Variants in GRIN2A observed in about 807,000 individuals in gnomAD.
GRIN2A encodes glutamate receptor ionotropic, NMDA 2A.
Under a neutral mutation model 113.4 loss-of-function variants are expected in GRIN2A, and 22 were observed. That is an observed-to-expected ratio of 0.19 (90% CI 0.14 to 0.28). GRIN2A has a LOEUF of 0.28. Ranked by LOEUF, GRIN2A falls within the 10% of genes least tolerant of loss-of-function variation. The pLI is 1.00. For missense variants in GRIN2A, 1,502 were observed against 1,887.0 expected, an observed-to-expected ratio of 0.80 and a Z score of 3.78; for synonymous variants, 827 against 738.4, an observed-to-expected ratio of 1.12 and a Z score of -1.94.
At chr16:9,997,863 C>A (rs181914947) in intron 2 of GRIN2A, among the ~76,000 whole-genome samples, 5 of 152,314 alleles carry the variant, frequency 3.3e-5, no homozygotes, top group African/African-American at 7.2e-5. Flanking sequence ...GTAAGACATG[C>A]CTTTGTTCCT....
At chr16:9,832,086 T>TTTGA in intron 8 of GRIN2A, among the ~76,000 whole-genome samples, 1 of 135,656 alleles carries the variant, frequency 7.4e-6, no homozygotes, top group South Asian at 2.5e-4. Context: ...GCCAGGCTTA[T>TTTGA]TTTATTTATT....
intron 2 of GRIN2A, among the ~76,000 whole-genome samples, chr16:9,966,444 T>C (rs2045557936): frequency 6.6e-6 from 1 of 152,244 alleles, no homozygotes; most frequent in Non-Finnish European, 1.5e-5. Flanking sequence ...GCACAGGACA[T>C]GATCTCATCC....
chr16:10,052,565 C>T (rs897975825), intron 2 of GRIN2A, among the ~76,000 whole-genome samples: 7 of 152,150 alleles, frequency 4.6e-5, no homozygotes, highest in South Asian at 2.1e-4. Context: ...TAAGATATTC[C>T]GCCTTCAGGT....
chr16:9,965,350 A>G (rs2045533495), intron 2 of GRIN2A, among the ~76,000 whole-genome samples: 1 of 152,218 alleles, frequency 6.6e-6, no homozygotes, highest in Admixed American at 6.5e-5. Context: ...TTTGCAAAAA[A>G]TTCCAGGCAA....
chr16:9,763,349 T>C lies in GRIN2A; in HGVS notation c.4195A>G (p.Ser1399Gly), dbSNP rs1900679823. The C allele has an allele frequency of 6.2e-7, 1 of 1,614,108 alleles. No individual in the cohort carries two copies. Among genetic ancestry groups the C allele is most frequent in the Non-Finnish European group, 8.5e-7 (1 of 1,179,996 alleles). ...GACCTCAAGGACGACCGAAGATAGC[T>C]GTCATTCACCGCCTGGGATGGCAAC... is the stretch of plus-strand genomic sequence containing the variant. ...HSLPSQAVND[S>G]YLRSSLRSTA... Residue 1399 changes from serine (S) to glycine (G), a missense_variant, in exon 13 of 13, where the codon AGC becomes GGC. Physicochemically the swap from Ser to Gly is moderately conservative, Grantham distance 56. Around this residue, in one of 7 missense-constraint regions of GRIN2A, gnomAD observed 832 missense variants for 789.7 expected, o/e 1.05. Transcript: ENST00000330684.
Position 10,111,711 on chromosome 16 carries a change from T to C in GRIN2A, c.414+68287A>G, listed in dbSNP as rs1050469059. On this transcript the variant is annotated intron_variant, in intron 2 of 12. Coordinates refer to ENST00000330684, the MANE Select transcript of GRIN2A (RefSeq NM_001134407.3). ...ACGAGGTGCATAAGGTCAAGAAGTT[T>C]GAACAGGGCTTCATCACGGACCCCG... is the stretch of plus-strand genomic sequence containing the variant. The C allele has an allele frequency of 9.0e-6, 14 of 1,550,986 alleles. No homozygotes were observed. The Admixed American group carries it at 1.7e-4, about 19-fold the overall frequency.
chr16:9,863,646 C>T (rs1318689498), intron 4 of GRIN2A, among the ~76,000 whole-genome samples: 1 of 152,176 alleles, frequency 6.6e-6, no homozygotes, highest in Non-Finnish European at 1.5e-5. Flanking sequence ...TTGGGGGTTT[C>T]AACCAAGAGG....
chr16:10,021,396 G>A (rs1050233248), intron 2 of GRIN2A, among the ~76,000 whole-genome samples: 3 of 152,136 alleles, frequency 2.0e-5, no homozygotes, highest in African/African-American at 7.2e-5. Context: ...AAAGGTGAAG[G>A]GCTTGCCCAA....
intron 11 of GRIN2A, among the ~76,000 whole-genome samples, chr16:9,788,090 T>C (rs1479153417): frequency 6.6e-6 from 1 of 152,196 alleles, no homozygotes; most frequent in Admixed American, 6.5e-5. Flanking sequence ...CTCAGTTTAA[T>C]AAAACTAGCC....
chr16:9,878,018 G>T (rs2043406241), intron 4 of GRIN2A, among the ~76,000 whole-genome samples: 1 of 151,656 alleles, frequency 6.6e-6, no homozygotes, highest in African/African-American at 2.4e-5. Flanking sequence ...TGACTGAGAG[G>T]CTCTTTGAAT....
chr16:10,053,609 G>T (rs985057993), intron 2 of GRIN2A, among the ~76,000 whole-genome samples: 3 of 152,188 alleles, frequency 2.0e-5, no homozygotes, highest in African/African-American at 4.8e-5. Context: ...GTTGCACTAA[G>T]GTGGATTGCC....
At position 9,763,455 on chromosome 16, in the gene GRIN2A, G is replaced by A. The variant is rs774385825; in HGVS notation, c.4089C>T (p.Ser1363=). 2.5e-6 allele frequency: 4 copies of A among 1,613,976 alleles called. No individual in the cohort carries two copies. The highest frequency in any genetic ancestry group is 3.4e-6 in the Non-Finnish European group (4 of 1,179,888). The change falls in exon 13 of 13, where the codon TCC becomes TCT. Residue 1363 remains serine, a synonymous_variant. Transcript: ENST00000330684. ...RSKSLLPDHT[S]DNPFLHSHRD... is the part of the protein sequence containing the mutation. ...TGTGGGAGTGGAGGAAAGGGTTATC[G>A]GAGGTGTGGTCTGGCAAGAGAGACT... is the stretch of plus-strand genomic sequence containing the variant.
At chr16:10,028,111 T>C (rs2046856177) in intron 2 of GRIN2A, among the ~76,000 whole-genome samples, 1 of 152,240 alleles carries the variant, frequency 6.6e-6, no homozygotes, top group Non-Finnish European at 1.5e-5. Flanking sequence ...ATGTTCTACA[T>C]ATGCCCCACG....
At position 9,765,988 on chromosome 16, in the gene GRIN2A, A is replaced by G. The variant is rs143586957; in HGVS notation, c.2596-1040T>C. Among the ~76,000 whole-genome samples the G allele has an allele frequency of 4.7e-4, 72 of 152,342 alleles. No individual in the cohort carries two copies. In the East Asian group the frequency reaches 0.014, roughly 29 times the overall value. On this transcript the variant is annotated intron_variant, in intron 12 of 12. Coordinates refer to ENST00000330684, the MANE Select transcript of GRIN2A (RefSeq NM_001134407.3). ...ACTTAAAAGTAGCTGTTCAACTGTT[A>G]TCAAGGGAAGAGCCCTTGATTCCTA... is the stretch of plus-strand genomic sequence containing the variant.
chr16:10,106,253 T>C (rs902737494), intron 2 of GRIN2A, among the ~76,000 whole-genome samples: 7 of 151,684 alleles, frequency 4.6e-5, no homozygotes, highest in Admixed American at 3.3e-4. Flanking sequence ...GTTCAAATTC[T>C]TTTTTAATTT....
At chr16:9,902,959 T>TTGG (rs1491446907) in intron 3 of GRIN2A, among the ~76,000 whole-genome samples, 1 of 24,832 alleles carries the variant, frequency 4.0e-5, no homozygotes, top group Non-Finnish European at 6.6e-5. Flanking sequence ...TTTTTTTTTT[T>TTGG]GGCGGGGGGG....
intron 2 of GRIN2A, among the ~76,000 whole-genome samples, chr16:10,092,385 T>C (rs1229022150): frequency 6.6e-6 from 1 of 152,212 alleles, no homozygotes; most frequent in Non-Finnish European, 1.5e-5. Context: ...CTTCCCACGT[T>C]AGCAGTCGGA....
chr16:10,011,874 T>C (rs2046511925), intron 2 of GRIN2A, among the ~76,000 whole-genome samples: 1 of 152,138 alleles, frequency 6.6e-6, no homozygotes, highest in Non-Finnish European at 1.5e-5. Context: ...CTTAATCACA[T>C]GCTACACCAA....
intron 2 of GRIN2A, among the ~76,000 whole-genome samples, chr16:10,150,811 TA>T (rs1358767397): frequency 9.2e-5 from 14 of 152,178 alleles, no homozygotes; most frequent in Non-Finnish European, 2.9e-5. Context: ...TAACACTACC[TA>T]AAATTAACTT....
Sources: gnomAD v4.1 joint callset for allele counts (sites outside exome capture counted in the v4.1 genomes callset) on GRCh38, gnomAD v4.1.1 for gene constraint, gnomAD v4.1.1 regional missense constraint, MANE v1.5 for transcripts, NCBI Gene and HGNC (gene_info 2026-07-23, HGNC 2026-07-21) for gene names.